The following UTRN variants were observed in gnomAD, a reference collection of about 807,000 sequenced individuals.
UTRN encodes the protein dystrophin-related protein 1.
UTRN carries 283 observed loss-of-function variants against 463.9 expected under a neutral mutation model. That is an observed-to-expected ratio of 0.61 (90% CI 0.55 to 0.67). The LOEUF is 0.67. Among genes scored for constraint, UTRN ranks in the 30% least tolerant of loss-of-function variants. The pLI is 0.00. For synonymous variants in UTRN, 1,442 were observed against 1,431.5 expected (o/e 1.01, Z -0.17); for missense variants, 3,922 against 4,084.3 (o/e 0.96, Z 1.08).
At chr6:144,612,677 C>T (rs944346798) in intron 51 of UTRN, among the ~76,000 whole-genome samples, 2 of 152,000 alleles carry the variant, frequency 1.3e-5, no homozygotes, top group African/African-American at 4.8e-5. Flanking sequence ...GTTAGAATGG[C>T]TGTTGTCAAA....
chr6:144,538,650 A>G (rs1585176340), intron 44 of UTRN, among the ~76,000 whole-genome samples: 1 of 151,430 alleles, frequency 6.6e-6, no homozygotes, highest in South Asian at 2.1e-4. Flanking sequence ...AGCCTGGCTG[A>G]CAGAGCGAGA....
intron 51 of UTRN, among the ~76,000 whole-genome samples, chr6:144,657,588 T>C (rs932214213): frequency 3.3e-5 from 5 of 152,214 alleles, no homozygotes; most frequent in African/African-American, 4.8e-5. Context: ...TTATGCCTTG[T>C]GTTTAACCTT....
intron 65 of UTRN, among the ~76,000 whole-genome samples, chr6:144,811,822 G>A (rs1041288421): frequency 6.6e-6 from 1 of 151,962 alleles, no homozygotes; most frequent in Non-Finnish European, 1.5e-5. Context: ...GCATGTACCA[G>A]TTGGGACTAC....
At chr6:144,744,123 A>G (rs1562851067) in intron 54 of UTRN, among the ~76,000 whole-genome samples, 1 of 135,348 alleles carries the variant, frequency 7.4e-6, no homozygotes, top group African/African-American at 2.7e-5. Flanking sequence ...CCTCATCCCT[A>G]AAAAAAAAAA....
intron 64 of UTRN, among the ~76,000 whole-genome samples, chr6:144,799,120 G>A (rs7748226): frequency 0.15 from 23,162 of 152,246 alleles, 2,039 homozygotes; most frequent in South Asian, 0.26. Flanking sequence ...CAGGAGGGCT[G>A]GGATTGGTTG....
chr6:144,708,393 AG>A (rs1180045316), intron 53 of UTRN: 183 of 638,642 alleles, frequency 2.9e-4, no homozygotes, highest in South Asian at 2.4e-3. Context: ...AAGTGTTTAG[AG>A]GCTTTGCCTT....
chr6:144,448,535 G>A, intron 16 of UTRN, 65 bp from the exon 17 acceptor site: 1 of 1,539,542 alleles, frequency 6.5e-7, no homozygotes. Context: ...GAATTTTATA[G>A]CATGTGAATT....
rs1038248673 is a variant in UTRN at position 144,551,824 on chromosome 6, A to G, written c.6928+742A>G. 6.6e-5 allele frequency among the ~76,000 whole-genome samples: 10 copies of G among 151,766 alleles called. No individual in the cohort carries two copies. The East Asian group carries it at 1.9e-3, about 29-fold the overall frequency. ...CTGTTATTCCTTAAAATATCCTGAC[A>G]TTTCCTAGTCTTCTTACCTTTATTT... On this transcript the variant is annotated intron_variant, in intron 48 of 74. Transcript: ENST00000367545.
chr6:144,599,724 T>C (rs1804040064), intron 51 of UTRN, among the ~76,000 whole-genome samples: 1 of 152,210 alleles, frequency 6.6e-6, no homozygotes. Flanking sequence ...ACTTACCAGT[T>C]AACCATACTA....
At chr6:144,339,525 G>T (rs183129449) in intron 2 of UTRN, among the ~76,000 whole-genome samples, 53 of 152,108 alleles carry the variant, frequency 3.5e-4, no homozygotes, top group Non-Finnish European at 6.3e-4. Flanking sequence ...GAAGTTGGAT[G>T]AAGGGAACAT....
chr6:144,617,750 C>T (rs1259628933), intron 51 of UTRN, among the ~76,000 whole-genome samples: 2 of 152,130 alleles, frequency 1.3e-5, no homozygotes, highest in South Asian at 2.1e-4. Context: ...TCTTGCTCTG[C>T]ATAGCCAAGC....
At chr6:144,692,719 C>T (rs1459303778) in intron 52 of UTRN, among the ~76,000 whole-genome samples, 1 of 152,048 alleles carries the variant, frequency 6.6e-6, no homozygotes, top group Non-Finnish European at 1.5e-5. Flanking sequence ...TGTTCATGTC[C>T]TTTGCCCACT....
Position 144,557,164 on chromosome 6 carries a change from T to C in UTRN, c.7142T>C (p.Leu2381Pro). ...TKQISDNQIL[L>P]QELGPGDGIV... ...CCTGCACTTGCACCTCAGATACTGC[T>C]TCAAGAACTGGGTCCTGGAGATGGT... The change falls in exon 50 of 75, where the codon CTT becomes CCT. Residue 2381 changes from leucine to proline, a missense_variant. Leu to Pro is a moderately conservative substitution (Grantham distance 98). Coordinates refer to ENST00000367545, the MANE Select transcript of UTRN (RefSeq NM_007124.3). The C allele has an allele frequency of 6.2e-7, 1 of 1,613,636 alleles. No homozygotes were observed. Among genetic ancestry groups the C allele is most frequent in the South Asian group, 1.1e-5 (1 of 91,030 alleles).
intron 60 of UTRN, among the ~76,000 whole-genome samples, chr6:144,780,873 G>C (rs539750726): frequency 1.9e-4 from 29 of 152,060 alleles, no homozygotes; most frequent in Non-Finnish European, 4.0e-4. Context: ...CTCTAAACCT[G>C]GAATTCTTTC....
intron 2 of UTRN, among the ~76,000 whole-genome samples, chr6:144,354,784 T>G (rs1427747235): frequency 2.0e-5 from 3 of 152,140 alleles, no homozygotes; most frequent in African/African-American, 7.2e-5. Flanking sequence ...CTGCTTGGAT[T>G]AAATTCAGAG....
At chr6:144,789,890 A>G (rs531630874) in intron 62 of UTRN, among the ~76,000 whole-genome samples, 1 of 152,308 alleles carries the variant, frequency 6.6e-6, no homozygotes, top group South Asian at 2.1e-4. Context: ...TCAGTTAATG[A>G]AAGGTATATT....
intron 56 of UTRN, 143 bp from the exon 57 acceptor site, chr6:144,754,577 G>T: frequency 3.3e-6 from 1 of 301,792 alleles, no homozygotes; most frequent in Non-Finnish European, 5.7e-6. Flanking sequence ...ACCAGAGACA[G>T]AGAAGGGGTC....
rs181006498 is a variant in UTRN at position 144,354,295 on chromosome 6, C to G, written c.80-48828C>G. ...AGGGCAGAACAAAAAAGTCTCAAAG[C>G]TCTGCCCCCTGCGTCAGTAGGAAGC... is the stretch of plus-strand genomic sequence containing the variant. On this transcript the variant is annotated intron_variant, in intron 2 of 74. Transcript: ENST00000367545. Among the ~76,000 whole-genome samples the G allele has an allele frequency of 5.2e-3, 792 of 152,320 alleles. 6 individuals are homozygous for G. Among genetic ancestry groups the G allele is most frequent in the Non-Finnish European group, 8.0e-3 (547 of 68,030 alleles).
At chr6:144,486,592 G>A (rs945738344) in intron 28 of UTRN, among the ~76,000 whole-genome samples, 2 of 151,746 alleles carry the variant, frequency 1.3e-5, no homozygotes, top group African/African-American at 4.8e-5. Context: ...CATGATTTTG[G>A]CTCACTGCAA....
Sources: allele counts gnomAD v4.1 joint callset (sites outside exome capture counted in the v4.1 genomes callset), GRCh38; gene constraint gnomAD v4.1.1; transcripts MANE v1.5; gene names NCBI Gene and HGNC (gene_info 2026-07-23, HGNC 2026-07-21).